STAU2: variants seen among roughly 807,000 people sequenced by gnomAD.
The protein encoded by STAU2 is double-stranded RNA-binding protein Staufen homolog 2.
Under a neutral mutation model 65.9 loss-of-function variants are expected in STAU2, and 20 were observed. That is an observed-to-expected ratio of 0.30 (90% CI 0.21 to 0.44). The LOEUF (loss-of-function observed/expected upper bound fraction) is 0.44. STAU2 is among the 20% of genes least tolerant of loss of function. The pLI is 1.00. For synonymous variants in STAU2, 232 were observed against 233.9 expected (o/e 0.99, Z 0.07); for missense variants, 558 against 683.9 (o/e 0.82, Z 2.05).
At chr8:73,617,582 A>C in intron 6 of STAU2, 131 bp from the exon 7 acceptor site, 1 of 859,350 alleles carries the variant, frequency 1.2e-6, no homozygotes, top group Non-Finnish European at 1.8e-6. Context: ...CCTCAAAAAC[A>C]TACTTTTTTG....
At chr8:73,586,920 C>A (rs1468098369) in intron 11 of STAU2, among the ~76,000 whole-genome samples, 1 of 151,916 alleles carries the variant, frequency 6.6e-6, no homozygotes, top group Non-Finnish European at 1.5e-5. Context: ...AAATAAATAA[C>A]AGCAAAAATA....
intron 4 of STAU2, among the ~76,000 whole-genome samples, chr8:73,701,870 TACACAATGGAGTACTATTCAGCC>T (rs1362009508): frequency 6.6e-6 from 1 of 152,188 alleles, no homozygotes; most frequent in East Asian, 1.9e-4. Flanking sequence ...GTGGTATTTA[TACACAATGGAGTACTATTCAGCC>T]ATAAAAAAGA....
chr8:73,662,499 G>A (rs139504425), intron 6 of STAU2, among the ~76,000 whole-genome samples: 239 of 152,272 alleles, frequency 1.6e-3, no homozygotes, highest in African/African-American at 5.4e-3. Flanking sequence ...AAGTAGCAAA[G>A]TATTTTCTTC....
intron 13 of STAU2, among the ~76,000 whole-genome samples, chr8:73,425,805 T>C (rs1208674023): frequency 6.6e-6 from 1 of 152,176 alleles, no homozygotes; most frequent in Admixed American, 6.5e-5. Context: ...TTCTCTCTTT[T>C]TTTTTGAGAT....
intron 3 of STAU2, among the ~76,000 whole-genome samples, chr8:73,736,730 T>A (rs922313962): frequency 2.0e-5 from 3 of 152,154 alleles, no homozygotes; most frequent in African/African-American, 7.2e-5. Context: ...CTACATGAGT[T>A]TGGAGCTCAG....
chr8:73,644,026 T>G (rs1177073618), intron 6 of STAU2, among the ~76,000 whole-genome samples: 3 of 152,132 alleles, frequency 2.0e-5, no homozygotes, highest in Non-Finnish European at 4.4e-5. Flanking sequence ...AGAAATAGAT[T>G]TTGAAAAGTA....
intron 5 of STAU2, among the ~76,000 whole-genome samples, chr8:73,679,242 C>T (rs1289923525): frequency 6.6e-6 from 1 of 152,122 alleles, no homozygotes; most frequent in East Asian, 1.9e-4. Context: ...CATATAGATT[C>T]ACTGAGGTCA....
At chr8:73,541,235 C>A (rs569787073) in intron 13 of STAU2, among the ~76,000 whole-genome samples, 5 of 150,544 alleles carry the variant, frequency 3.3e-5, no homozygotes, top group African/African-American at 5.0e-5. Context: ...GGAGGAAATG[C>A]CAGAAAGAAG....
intron 13 of STAU2, among the ~76,000 whole-genome samples, chr8:73,458,498 A>G (rs1257354346): frequency 6.6e-5 from 10 of 152,256 alleles, no homozygotes; most frequent in Non-Finnish European, 1.5e-4. Flanking sequence ...CTCTCCCAAT[A>G]CTTGTGAAGC....
At chr8:73,612,935 C>T (rs774324334) in intron 9 of STAU2, among the ~76,000 whole-genome samples, 3 of 152,220 alleles carry the variant, frequency 2.0e-5, no homozygotes, top group Non-Finnish European at 2.9e-5. Flanking sequence ...CATTCACAGG[C>T]ACTGTCCTGT....
intron 9 of STAU2, among the ~76,000 whole-genome samples, chr8:73,613,307 T>C (rs1163308527): frequency 1.3e-5 from 2 of 152,184 alleles, no homozygotes; most frequent in Non-Finnish European, 2.9e-5. Flanking sequence ...GCAACAGCCA[T>C]GTGTGCAGAA....
intron 13 of STAU2, among the ~76,000 whole-genome samples, chr8:73,517,642 T>C (rs1822814775): frequency 6.6e-6 from 1 of 152,188 alleles, no homozygotes. Flanking sequence ...ACCACATTTT[T>C]AGTCTTTTTT....
At chr8:73,675,047 A>G (rs953396780) in intron 5 of STAU2, among the ~76,000 whole-genome samples, 1 of 151,754 alleles carries the variant, frequency 6.6e-6, no homozygotes, top group African/African-American at 2.4e-5. Flanking sequence ...CATAAGCCAC[A>G]AAACAAGTCA....
intron 13 of STAU2, among the ~76,000 whole-genome samples, chr8:73,490,866 AC>A (rs1457785734): frequency 1.5e-5 from 2 of 135,172 alleles, no homozygotes; most frequent in Non-Finnish European, 3.4e-5. Flanking sequence ...CGTACCTTAA[AC>A]TGGCACAAAA....
chr8:73,527,954 G>A, intron 13 of STAU2: 2 of 492,992 alleles, frequency 4.1e-6, no homozygotes, highest in Non-Finnish European at 3.6e-6. Flanking sequence ...GACTTGAATT[G>A]AATCTATTAA....
chr8:73,581,710 G>A (rs1261195383), intron 12 of STAU2, among the ~76,000 whole-genome samples: 1 of 152,110 alleles, frequency 6.6e-6, no homozygotes, highest in Admixed American at 6.6e-5. Context: ...CAAGGGCTCA[G>A]AAGCACATTA....
At chr8:73,422,965 C>A (rs1816497284) in intron 13 of STAU2, among the ~76,000 whole-genome samples, 1 of 152,220 alleles carries the variant, frequency 6.6e-6, no homozygotes, top group Non-Finnish European at 1.5e-5. Context: ...GCAAACATGG[C>A]AACACCTCAT....
intron 9 of STAU2, among the ~76,000 whole-genome samples, chr8:73,611,732 C>T (rs1391968662): frequency 6.6e-6 from 1 of 151,448 alleles, no homozygotes; most frequent in Non-Finnish European, 1.5e-5. Flanking sequence ...GGCTGGAGTG[C>T]AGTGGCAGTG....
At chr8:73,652,108 T>C (rs1586196606) in intron 6 of STAU2, 1 of 152,232 alleles carries the variant, frequency 6.6e-6, no homozygotes, top group East Asian at 1.9e-4. Context: ...AAACTGGTTT[T>C]CCAGTTGGAA....
Sources: gnomAD v4.1 joint callset for allele counts (sites outside exome capture counted in the v4.1 genomes callset) on GRCh38, gnomAD v4.1.1 for gene constraint, MANE v1.5 for transcripts, NCBI Gene and HGNC (gene_info 2026-07-23, HGNC 2026-07-21) for gene names.